Variants in RIMS1 observed in about 807,000 individuals in gnomAD.
RIMS1 encodes regulating synaptic membrane exocytosis protein 1.
A neutral mutation model predicts 214.1 loss-of-function variants in RIMS1; 83 were observed. The ratio of observed to expected loss-of-function variants is 0.39; its 90% CI spans 0.32 to 0.47. RIMS1 has a LOEUF of 0.47. Among genes scored for constraint, RIMS1 ranks in the 20% least tolerant of loss-of-function variants. RIMS1 has a pLI of 0.99. For synonymous variants in RIMS1, 793 were observed against 786.8 expected, an observed-to-expected ratio of 1.01 and a Z score of -0.13; for missense variants, 2,050 against 2,161.8, an observed-to-expected ratio of 0.95 and a Z score of 1.03.
At chr6:72,393,336 A>G (rs967302386) in intron 31 of RIMS1, among the ~76,000 whole-genome samples, 4 of 152,216 alleles carry the variant, frequency 2.6e-5, no homozygotes. Flanking sequence ...ATCAGCTTGA[A>G]GACACAACAT....
At chr6:72,272,257 T>G (rs1447912356) in intron 22 of RIMS1, among the ~76,000 whole-genome samples, 1 of 152,158 alleles carries the variant, frequency 6.6e-6, no homozygotes, top group Non-Finnish European at 1.5e-5. Context: ...GGTCATTCCT[T>G]GTAATAGGGA....
intron 26 of RIMS1, among the ~76,000 whole-genome samples, chr6:72,296,574 C>G (rs1248178509): frequency 6.6e-6 from 1 of 151,870 alleles, no homozygotes; most frequent in Non-Finnish European, 1.5e-5. Flanking sequence ...CAGGCTTCCC[C>G]CTACAGTCAT....
intron 6 of RIMS1, among the ~76,000 whole-genome samples, chr6:72,226,128 C>CGCAT (rs2060102099): frequency 6.6e-6 from 1 of 151,806 alleles, no homozygotes; most frequent in Non-Finnish European, 1.5e-5. Flanking sequence ...AAGTTGTGTG[C>CGCAT]GCATGCATGT....
intron 6 of RIMS1, among the ~76,000 whole-genome samples, chr6:72,185,624 T>C (rs957513650): frequency 3.9e-5 from 6 of 152,224 alleles, no homozygotes; most frequent in Non-Finnish European, 7.3e-5. Flanking sequence ...GTTCCTGTTG[T>C]TCAGGACTCC....
intron 19 of RIMS1, chr6:72,262,861 T>G: frequency 3.4e-6 from 2 of 592,836 alleles, no homozygotes; most frequent in Non-Finnish European, 4.2e-6. Flanking sequence ...GATTTACTAG[T>G]CTCTAGTAAA....
chr6:72,179,925 C>T lies in RIMS1; in HGVS notation c.812+10C>T, dbSNP rs757648777. The T allele has an allele frequency of 2.1e-6, 3 of 1,429,996 alleles. No individual in the cohort carries two copies. Among genetic ancestry groups the T allele is most frequent in the Middle Eastern group, 1.9e-4 (1 of 5,396 alleles). The allele number at this position is 1,429,996 out of a possible 1,614,324, so 88.6% of individuals were successfully genotyped here. A position where few individuals can be genotyped will look rare whatever the true frequency, so the allele number is the denominator to read the frequency against. Reference sequence around the variant, plus strand: ...AACCTCCTAGAGAGAGGTAATAGTTCTTTCACCCTGTAAGCAAAAGGCAAG... The same window carrying T: ...AACCTCCTAGAGAGAGGTAATAGTTTTTTCACCCTGTAAGCAAAAGGCAAG... On this transcript the variant is annotated intron_variant, in intron 5 of 33. Transcript: ENST00000521978.
chr6:72,123,014 G>C lies in RIMS1; in HGVS notation c.471+23028G>C, dbSNP rs572902070. 2.0e-3 allele frequency among the ~76,000 whole-genome samples: 304 copies of C among 151,742 alleles called. 3 individuals carry two copies. The highest frequency in any genetic ancestry group is 6.8e-3 in the African/African-American group (283 of 41,422). On this transcript the variant is annotated intron_variant, in intron 4 of 33. Transcript: ENST00000521978. ...CTTAGTTTTTTCTTGTCTTCTGCTA[G>C]CTTTTGAATTTGGTTGCTCTTGCTT...
chr6:72,131,874 C>T (rs1206175013), intron 4 of RIMS1, among the ~76,000 whole-genome samples: 1 of 152,178 alleles, frequency 6.6e-6, no homozygotes, highest in Non-Finnish European at 1.5e-5. Flanking sequence ...CCCCCAGGCG[C>T]ATATTCTCTT....
chr6:72,105,688 G>A (rs977720252), intron 4 of RIMS1, among the ~76,000 whole-genome samples: 3 of 152,008 alleles, frequency 2.0e-5, no homozygotes, highest in Non-Finnish European at 2.9e-5. Context: ...ATATGTATAC[G>A]TATAGTATAA....
intron 6 of RIMS1, among the ~76,000 whole-genome samples, chr6:72,196,042 A>G (rs1443426560): frequency 1.3e-5 from 2 of 152,058 alleles, no homozygotes; most frequent in East Asian, 3.9e-4. Context: ...CTCTCTATTG[A>G]TACATGTGGA....
chr6:72,182,748 G>C lies in RIMS1; in HGVS notation c.1277G>C (p.Arg426Pro), dbSNP rs886686836. Residue 426 changes from arginine to proline, a missense_variant, in exon 6 of 34, where the codon CGG becomes CCG. Arg to Pro is a moderately radical substitution (Grantham distance 103). Around this residue, in one of 6 missense-constraint regions of RIMS1, gnomAD observed 882 missense variants for 828.9 expected, o/e 1.06. Transcript: ENST00000521978. ...AGGGCCTCGCCGCCGGACTCGCCGC[G>C]GGCTTACTCGGCTGAGAGAACTGCG... ...AARASPPDSP[R>P]AYSAERTAET... 7.8e-6 allele frequency: 12 copies of C among 1,541,928 alleles called. No homozygotes were observed. The highest frequency in any genetic ancestry group is 8.7e-6 in the Non-Finnish European group (10 of 1,147,628).
intron 1 of RIMS1, among the ~76,000 whole-genome samples, chr6:71,961,417 A>G (rs1159955176): frequency 6.6e-6 from 1 of 151,494 alleles, no homozygotes; most frequent in East Asian, 1.9e-4. Context: ...TGTATCTTTA[A>G]CTTCTCCCTT....
intron 2 of RIMS1, among the ~76,000 whole-genome samples, chr6:71,990,258 A>G (rs1204598236): frequency 1.3e-5 from 2 of 152,108 alleles, no homozygotes; most frequent in Non-Finnish European, 2.9e-5. Flanking sequence ...CATCTTCCCT[A>G]TCCTTTGGAA....
At chr6:72,167,168 T>C (rs2046379880) in intron 4 of RIMS1, among the ~76,000 whole-genome samples, 1 of 151,834 alleles carries the variant, frequency 6.6e-6, no homozygotes. Context: ...CAATACTTTT[T>C]CTTAAATATA....
chr6:72,188,792 C>T, intron 6 of RIMS1, among the ~76,000 whole-genome samples: 1 of 152,164 alleles, frequency 6.6e-6, no homozygotes. Flanking sequence ...CATGGTAATA[C>T]TAAGAGACGC....
chr6:72,247,553 A>C (rs1357241259), intron 11 of RIMS1, among the ~76,000 whole-genome samples: 3 of 151,868 alleles, frequency 2.0e-5, no homozygotes, highest in Admixed American at 2.0e-4. Flanking sequence ...AAAAAAAAAA[A>C]AACCTAAGAT....
chr6:72,164,090 G>A (rs1303856447), intron 4 of RIMS1, among the ~76,000 whole-genome samples: 1 of 152,122 alleles, frequency 6.6e-6, no homozygotes, highest in Non-Finnish European at 1.5e-5. Context: ...CTTGGCAATG[G>A]TGGGCGCCCC....
chr6:72,320,481 G>A (rs1386707749), intron 28 of RIMS1, among the ~76,000 whole-genome samples: 1 of 152,022 alleles, frequency 6.6e-6, no homozygotes, highest in Non-Finnish European at 1.5e-5. Context: ...CTTCCAAGGA[G>A]AAAATTAAAA....
At chr6:71,957,740 A>G (rs930475146) in intron 1 of RIMS1, among the ~76,000 whole-genome samples, 14 of 150,738 alleles carry the variant, frequency 9.3e-5, no homozygotes, top group African/African-American at 3.2e-4. Flanking sequence ...TAGACATATT[A>G]AAAGTATAAT....
Sources: allele counts gnomAD v4.1 joint callset (sites outside exome capture counted in the v4.1 genomes callset), GRCh38; gene constraint gnomAD v4.1.1; regional missense constraint gnomAD v4.1.1; transcripts MANE v1.5; gene names NCBI Gene and HGNC (gene_info 2026-07-23, HGNC 2026-07-21).